SHISA9: variants seen among roughly 807,000 people sequenced by gnomAD.
SHISA9 encodes the protein shisa family member 9.
In SHISA9, 13 loss-of-function variants were observed where a neutral mutation model predicts 38.0. That is an observed-to-expected ratio of 0.34 (90% CI 0.22 to 0.54). The LOEUF (loss-of-function observed/expected upper bound fraction) is 0.54. Ranked by LOEUF, SHISA9 falls within the 20% of genes least tolerant of loss-of-function variation. SHISA9 has a pLI of 0.91. For missense variants in SHISA9, 538 were observed against 575.8 expected (o/e 0.93, Z 0.67); for synonymous variants, 275 against 242.0 (o/e 1.14, Z -1.27).
intron 2 of SHISA9, among the ~76,000 whole-genome samples, chr16:13,019,862 CCCTCCCTCCCTCCCTCCCTCCCTT>C (rs1198759675): frequency 0.011 from 318 of 29,190 alleles, 10 homozygotes; most frequent in African/African-American, 0.04. Context: ...CTCCCTCCCT[CCCTCCCTCCCTCCCTCCCTCCCTT>C]CTTTCTTTCT....
At chr16:13,148,597 A>C (rs2050468993) in intron 2 of SHISA9, among the ~76,000 whole-genome samples, 1 of 151,654 alleles carries the variant, frequency 6.6e-6, no homozygotes, top group Non-Finnish European at 1.5e-5. Context: ...ATCTATACCT[A>C]TGTCTATATT....
the SHISA9 span, among the ~76,000 whole-genome samples, chr16:13,416,709 G>T: frequency 7.0e-6 from 1 of 142,724 alleles, no homozygotes; most frequent in Admixed American, 7.4e-5. Flanking sequence ...CTCTGAAAAA[G>T]AAGAAAGAGA....
the SHISA9 span, among the ~76,000 whole-genome samples, chr16:13,538,132 T>G: frequency 6.6e-6 from 1 of 152,280 alleles, no homozygotes; most frequent in African/African-American, 2.4e-5. Flanking sequence ...GAAAGAGTAG[T>G]GAAAACCAAG....
intron 2 of SHISA9, among the ~76,000 whole-genome samples, chr16:12,976,116 C>T (rs561072080): frequency 2.0e-5 from 3 of 152,190 alleles, no homozygotes; most frequent in Admixed American, 6.5e-5. Context: ...GAGACAGAGT[C>T]TTGCTTTGTC....
the SHISA9 span, among the ~76,000 whole-genome samples, chr16:13,415,351 A>G: frequency 6.6e-6 from 1 of 152,156 alleles, no homozygotes; most frequent in East Asian, 1.9e-4. Context: ...ACCAAATACC[A>G]CATGTTCTCA....
intron 2 of SHISA9, among the ~76,000 whole-genome samples, chr16:12,966,261 T>A (rs1746466652): frequency 6.6e-6 from 1 of 152,216 alleles, no homozygotes; most frequent in Non-Finnish European, 1.5e-5. Flanking sequence ...GACATCTGCT[T>A]CCCTAATCCT....
At chr16:13,098,228 A>C (rs550701705) in intron 2 of SHISA9, among the ~76,000 whole-genome samples, 3 of 152,114 alleles carry the variant, frequency 2.0e-5, no homozygotes, top group Non-Finnish European at 2.9e-5. Flanking sequence ...GCAAGCAACA[A>C]CTTCTTTGAA....
chr16:13,062,185 C>G (rs1284298033), intron 2 of SHISA9, among the ~76,000 whole-genome samples: 2 of 140,606 alleles, frequency 1.4e-5, no homozygotes, highest in Non-Finnish European at 3.0e-5. Context: ...AGGGGACTTA[C>G]GCTAAAAAAA....
intron 4 of SHISA9, among the ~76,000 whole-genome samples, chr16:13,215,684 A>T (rs1220219991): frequency 6.6e-6 from 1 of 152,116 alleles, no homozygotes; most frequent in Non-Finnish European, 1.5e-5. Flanking sequence ...AACCAAGCTA[A>T]CTTCACCTGT....
the SHISA9 span, among the ~76,000 whole-genome samples, chr16:13,535,168 C>T: frequency 1.3e-5 from 2 of 152,114 alleles, no homozygotes; most frequent in Non-Finnish European, 2.9e-5. Context: ...ATTGGTTGAA[C>T]CCAGGAGGCA....
the SHISA9 span, among the ~76,000 whole-genome samples, chr16:13,545,627 T>G: frequency 2.6e-5 from 4 of 152,144 alleles, no homozygotes; most frequent in Non-Finnish European, 2.9e-5. Context: ...CCCTCTCTCT[T>G]CCTGAACATT....
At chr16:13,072,625 A>C (rs2073531581) in intron 2 of SHISA9, among the ~76,000 whole-genome samples, 1 of 151,938 alleles carries the variant, frequency 6.6e-6, no homozygotes, top group Non-Finnish European at 1.5e-5. Flanking sequence ...GTCAGTCAAA[A>C]GTCTTATTTC....
chr16:13,110,162 T>C (rs1307264659), intron 2 of SHISA9, among the ~76,000 whole-genome samples: 1 of 152,190 alleles, frequency 6.6e-6, no homozygotes, highest in South Asian at 2.1e-4. Context: ...TGGAATGCCC[T>C]CCACACATGG....
intron 4 of SHISA9, among the ~76,000 whole-genome samples, chr16:13,218,375 C>T (rs1385145906): frequency 6.6e-6 from 1 of 152,232 alleles, no homozygotes; most frequent in African/African-American, 2.4e-5. Flanking sequence ...CCTAATCCCC[C>T]ACCCTAGATG....
At chr16:13,191,182 A>C (rs976077286) in intron 2 of SHISA9, among the ~76,000 whole-genome samples, 1 of 152,244 alleles carries the variant, frequency 6.6e-6, no homozygotes, top group African/African-American at 2.4e-5. Flanking sequence ...AGAAAGAAAA[A>C]CAGTGCTAAA....
chr16:13,016,651 T>C (rs2072761344), intron 2 of SHISA9, among the ~76,000 whole-genome samples: 2 of 152,088 alleles, frequency 1.3e-5, no homozygotes, highest in Admixed American at 6.6e-5. Flanking sequence ...TTAACCAAAC[T>C]GAAACTCAGA....
the SHISA9 span, among the ~76,000 whole-genome samples, chr16:13,376,851 C>G: frequency 6.6e-6 from 1 of 151,968 alleles, no homozygotes; most frequent in Non-Finnish European, 1.5e-5. Flanking sequence ...CTATGCCCAG[C>G]TAATTTTTGT....
chr16:12,954,986 C>T (rs1227462563), intron 2 of SHISA9, among the ~76,000 whole-genome samples: 1 of 152,080 alleles, frequency 6.6e-6, no homozygotes, highest in Non-Finnish European at 1.5e-5. Context: ...GTGTTATTCC[C>T]TCACAATAGC....
At chr16:13,125,397 C>T (rs153087) in intron 2 of SHISA9, among the ~76,000 whole-genome samples, 137,219 of 152,260 alleles carry the variant, frequency 0.9, 62,010 homozygotes, top group African/African-American at 0.97. Flanking sequence ...ATCCTGGTTT[C>T]CTGTTTTATT....
Sources: allele counts gnomAD v4.1 joint callset (sites outside exome capture counted in the v4.1 genomes callset), GRCh38; gene constraint gnomAD v4.1.1; transcripts MANE v1.5; gene names NCBI Gene and HGNC (gene_info 2026-07-23, HGNC 2026-07-21).